STMND1: variants seen among roughly 807,000 people sequenced by gnomAD.
The protein encoded by STMND1 is stathmin domain-containing protein 1.
A neutral mutation model predicts 23.0 loss-of-function variants in STMND1; 17 were observed. That is an observed-to-expected ratio of 0.74 (90% confidence interval 0.51 to 1.11). The LOEUF is 1.11. STMND1 is among the 50% of genes least tolerant of loss of function. The pLI, the probability that STMND1 is intolerant of heterozygous loss-of-function variation, is 0.00. For synonymous variants in STMND1, 114 were observed against 119.9 expected (o/e 0.95, Z 0.32); for missense variants, 305 against 329.1 (o/e 0.93, Z 0.57).
chr6:17,126,047 TATATATATATATATATATATA>T (rs1262462356), intron 3 of STMND1, among the ~76,000 whole-genome samples: 5 of 30,346 alleles, frequency 1.6e-4, no homozygotes, highest in South Asian at 1.9e-3. Context: ...TATATATATA[TATATATATATATATATATATA>T]TATTTTTTTT....
At chr6:17,106,994 A>T (rs1761033806) in intron 1 of STMND1, among the ~76,000 whole-genome samples, 1 of 152,216 alleles carries the variant, frequency 6.6e-6, no homozygotes, top group African/African-American at 2.4e-5. Flanking sequence ...ATTGGAATAG[A>T]TGGTCTCCAA....
Position 17,129,214 on chromosome 6 carries a change from A to T in STMND1, c.514A>T (p.Lys172Ter), listed in dbSNP as rs1347372902. 2.0e-6 allele frequency: 3 copies of T among 1,535,822 alleles called. No individual in the cohort carries two copies. In the African/African-American group the frequency reaches 4.1e-5, roughly 21 times the overall value. Residue 172 changes from lysine (K) to a stop codon, truncating the protein, a stop_gained, in exon 4 of 5, where the codon AAG (lysine) becomes TAG (stop). Transcript: ENST00000536551. LOFTEE classifies it low-confidence loss of function (END_TRUNC). ...KDFTMKDIEE[K>*]MEAAEERRKT... ...TTTCACAATGAAGGACATCGAGGAG[A>T]AGATGGAGGCTGCCGAGGAGCGCAG...
At chr6:17,126,034 T>TTA (rs1176278436) in intron 3 of STMND1, among the ~76,000 whole-genome samples, 830 of 41,958 alleles carry the variant, frequency 0.02, 18 homozygotes, top group Non-Finnish European at 0.022. Context: ...GATCATTGTT[T>TTA]TATATATATA....
At chr6:17,126,977 G>C (rs1348401821) in intron 3 of STMND1, among the ~76,000 whole-genome samples, 1 of 152,224 alleles carries the variant, frequency 6.6e-6, no homozygotes, top group Non-Finnish European at 1.5e-5. Context: ...TGCCGCCCCA[G>C]AGTTGAAGCT....
At chr6:17,108,942 C>A (rs1350935016) in intron 1 of STMND1, among the ~76,000 whole-genome samples, 1 of 152,110 alleles carries the variant, frequency 6.6e-6, no homozygotes, top group Non-Finnish European at 1.5e-5. Context: ...GGTGATCTGC[C>A]TGCCTTGGCC....
Position 17,115,005 on chromosome 6 carries a change from G to C in STMND1, c.125G>C (p.Arg42Pro), listed in dbSNP as rs561083418. The C allele has an allele frequency of 2.6e-6, 4 of 1,533,182 alleles. No individual in the cohort carries two copies. Among genetic ancestry groups the C allele is most frequent in the South Asian group, 1.2e-5 (1 of 83,550 alleles). The allele number at this position is 1,533,182 out of a possible 1,614,324, so 95.0% of individuals were successfully genotyped here. A position where few individuals can be genotyped will look rare whatever the true frequency, so the allele number is the denominator to read the frequency against. ...VPHTGENCSP[R>P]MEAALTKNTV... The stretch of plus-strand genomic sequence containing the variant: ...CATACTGGGGAAAATTGCAGCCCCC[G>C]GATGGAAGCTGCTCTGACCAAGAAT... Residue 42 changes from arginine (R) to proline (P), a missense_variant, in exon 2 of 5, where the codon CGG becomes CCG. Arg to Pro is a moderately radical substitution (Grantham distance 103). Coordinates refer to ENST00000536551, the MANE Select transcript of STMND1 (RefSeq NM_001190766.2).
chr6:17,118,383 C>T lies in STMND1; in HGVS notation c.260-2224C>T, dbSNP rs189606498. ...AATCTCTGGGTGGTGAAAGCATGGGCGTTTTTTTAATCTTTTACTAGTTTC... is the reference window on the plus strand; with the variant it reads ...AATCTCTGGGTGGTGAAAGCATGGGTGTTTTTTTAATCTTTTACTAGTTTC... On this transcript the variant is annotated intron_variant, in intron 2 of 4. Coordinates refer to ENST00000536551, the MANE Select transcript of STMND1 (RefSeq NM_001190766.2). Among the ~76,000 whole-genome samples the T allele has an allele frequency of 1.1e-4, 17 of 151,872 alleles. No individual in the cohort carries two copies. In the East Asian group the frequency reaches 2.7e-3, roughly 24 times the overall value.
intron 1 of STMND1, among the ~76,000 whole-genome samples, chr6:17,104,510 G>A (rs1213215473): frequency 6.6e-6 from 1 of 152,108 alleles, no homozygotes; most frequent in African/African-American, 2.4e-5. Flanking sequence ...TGTCTTCTGG[G>A]CCAAGCCATT....
chr6:17,130,920 C>A lies in STMND1; in HGVS notation c.*39C>A. Reference sequence around the variant, plus strand: ...AATTTCATAAGAAAGCATTCATTCTCCCCATTTGTGACATTTGTAGTATGT... The same window carrying A: ...AATTTCATAAGAAAGCATTCATTCTACCCATTTGTGACATTTGTAGTATGT... On this transcript the variant is annotated 3_prime_UTR_variant, in exon 5 of 5. Transcript: ENST00000536551. 1 of 1,464,478 alleles carries A rather than the reference C, an allele frequency of 6.8e-7. No individual in the cohort carries two copies. Among genetic ancestry groups the A allele is most frequent in the Non-Finnish European group, 9.0e-7 (1 of 1,105,100 alleles). The allele number at this position is 1,464,478 out of a possible 1,614,324, so 90.7% of individuals were successfully genotyped here.
intron 3 of STMND1, among the ~76,000 whole-genome samples, chr6:17,126,425 C>A (rs1363249453): frequency 1.3e-5 from 2 of 152,034 alleles, no homozygotes; most frequent in Non-Finnish European, 2.9e-5. Context: ...GTGACCAAAA[C>A]AGAAAAATCC....
At chr6:17,103,601 T>TTGC (rs1760974207) in intron 1 of STMND1, among the ~76,000 whole-genome samples, 1 of 141,170 alleles carries the variant, frequency 7.1e-6, no homozygotes, top group South Asian at 2.3e-4. Flanking sequence ...AGACGGAGTC[T>TTGC]TGCTCTGTCA....
intron 3 of STMND1, among the ~76,000 whole-genome samples, chr6:17,121,863 ATTT>A (rs11331622): frequency 2.8e-5 from 4 of 142,038 alleles, no homozygotes; most frequent in Admixed American, 7.0e-5. Flanking sequence ...AGAGTTCTAA[ATTT>A]TTTTTTTTTT....
intron 1 of STMND1, among the ~76,000 whole-genome samples, chr6:17,105,366 C>T (rs765604931): frequency 2.6e-4 from 40 of 152,182 alleles, no homozygotes; most frequent in Non-Finnish European, 5.1e-4. Context: ...AAAATCCTGG[C>T]CGGGTGTGGT....
At chr6:17,129,418 C>T (rs1451653698) in intron 4 of STMND1, among the ~76,000 whole-genome samples, 175 bp downstream of exon 4, 1 of 151,976 alleles carries the variant, frequency 6.6e-6, no homozygotes, top group Non-Finnish European at 1.5e-5. Context: ...GTTGCCCAGG[C>T]TGGAGTACAG....
At chr6:17,128,510 A>C (rs1761337821) in intron 3 of STMND1, 1 of 152,178 alleles carries the variant, frequency 6.6e-6, no homozygotes, top group Non-Finnish European at 1.5e-5. Flanking sequence ...TCTTATATTC[A>C]TTCTCAAGAT....
intron 3 of STMND1, among the ~76,000 whole-genome samples, chr6:17,124,146 G>GT (rs1761266282): frequency 6.6e-6 from 1 of 151,332 alleles, no homozygotes; most frequent in African/African-American, 2.4e-5. Context: ...ATATTATTAT[G>GT]TCAGCAGTTA....
intron 1 of STMND1, among the ~76,000 whole-genome samples, chr6:17,112,969 G>A (rs1157130009): frequency 1.3e-5 from 2 of 152,182 alleles, no homozygotes; most frequent in East Asian, 1.9e-4. Context: ...TTATCCTAGG[G>A]TATATGAAGT....
chr6:17,130,264 G>C (rs993574355), intron 4 of STMND1, among the ~76,000 whole-genome samples: 1 of 152,146 alleles, frequency 6.6e-6, no homozygotes, highest in African/African-American at 2.4e-5. Flanking sequence ...CTGCTGCAGA[G>C]CATCAGGCTG....
intron 1 of STMND1, among the ~76,000 whole-genome samples, chr6:17,111,213 C>T (rs1401733600): frequency 6.6e-6 from 1 of 152,076 alleles, no homozygotes; most frequent in African/African-American, 2.4e-5. Flanking sequence ...TTGTTTTGAC[C>T]TATTTACAAG....
Sources: gnomAD v4.1 joint callset for allele counts (sites outside exome capture counted in the v4.1 genomes callset) on GRCh38, gnomAD v4.1.1 for gene constraint, MANE v1.5 for transcripts, NCBI Gene and HGNC (gene_info 2026-07-23, HGNC 2026-07-21) for gene names.